ANKRD29: variants seen among roughly 807,000 people sequenced by gnomAD.
ANKRD29 encodes ankyrin repeat domain-containing protein 29.
Under a neutral mutation model 38.0 loss-of-function variants are expected in ANKRD29, and 32 were observed. The observed-to-expected ratio is 0.84, with a 90% CI of 0.64 to 1.13. The LOEUF (loss-of-function observed/expected upper bound fraction) is 1.13, where lower values mean the gene tolerates loss of function less well. Among genes scored for constraint, ANKRD29 ranks in the 50% most tolerant of loss-of-function variants. The probability of loss-of-function intolerance (pLI) is 0.00; values close to 1 mark genes in which losing one functional copy is unlikely to be tolerated. For synonymous variants in ANKRD29, 135 were observed against 152.4 expected (o/e 0.89, Z 0.84); for missense variants, 357 against 377.9 (o/e 0.94, Z 0.46).
At chr18:23,646,379 T>A in intron 2 of ANKRD29, 92 bp from the exon 3 acceptor site, 2 of 1,098,678 alleles carry the variant, frequency 1.8e-6, no homozygotes, top group Non-Finnish European at 1.3e-6. Context: ...TCAGCTCCAC[T>A]CAGAACACAT....
intron 8 of ANKRD29, among the ~76,000 whole-genome samples, chr18:23,612,419 G>A (rs151207256): frequency 2.6e-5 from 4 of 152,304 alleles, no homozygotes; most frequent in Middle Eastern, 3.4e-3. Flanking sequence ...GTGAAATAAG[G>A]AATAGGGCTG....
chr18:23,662,569 A>T, intron 1 of ANKRD29, 141 bp downstream of exon 1: 1 of 819,700 alleles, frequency 1.2e-6, no homozygotes, highest in Non-Finnish European at 1.7e-6. Context: ...CCTCGCCCGC[A>T]GCTGGAGGAG....
chr18:23,641,706 C>T (rs541537902), intron 3 of ANKRD29, among the ~76,000 whole-genome samples: 42 of 152,244 alleles, frequency 2.8e-4, no homozygotes, highest in Non-Finnish European at 5.3e-4. Flanking sequence ...TCAGCACACA[C>T]TCCCTCCTTT....
intron 3 of ANKRD29, among the ~76,000 whole-genome samples, chr18:23,644,854 C>T (rs572294297): frequency 5.3e-5 from 8 of 152,112 alleles, no homozygotes; most frequent in Non-Finnish European, 1.0e-4. Context: ...TAGGTGTAGA[C>T]CACCATGTCT....
rs191192374 is a variant in ANKRD29 at position 23,625,820 on chromosome 18, T to C, written c.528+4033A>G. Reference sequence around the variant, plus strand: ...TATCCCCATAATTTCCAAGCTGCTCTCCACCCAAAAAATCTGGGTCTGCTC... The same window carrying C: ...TATCCCCATAATTTCCAAGCTGCTCCCCACCCAAAAAATCTGGGTCTGCTC... On this transcript the variant is annotated intron_variant, in intron 6 of 9. Coordinates refer to ENST00000592179, the MANE Select transcript of ANKRD29 (RefSeq NM_173505.4). Among the ~76,000 whole-genome samples the C allele has an allele frequency of 3.6e-3, 548 of 152,260 alleles. 4 individuals carry two copies. The highest frequency in any genetic ancestry group is 5.1e-3 in the Non-Finnish European group (347 of 68,010).
chr18:23,616,586 ATATATATAC>A (rs1169533392), intron 8 of ANKRD29, among the ~76,000 whole-genome samples: 29 of 143,326 alleles, frequency 2.0e-4, no homozygotes, highest in Admixed American at 1.0e-3. Flanking sequence ...CAGTATATAT[ATATATATAC>A]TATATATACT....
Position 23,662,413 on chromosome 18 carries a change from C to T in ANKRD29, c.21+297G>A, listed in dbSNP as rs537770613. Among the ~76,000 whole-genome samples the T allele has an allele frequency of 2.0e-5, 3 of 152,320 alleles. No homozygotes were observed. In the South Asian group the frequency reaches 6.2e-4, roughly 32 times the overall value. On this transcript the variant is annotated intron_variant, in intron 1 of 9. Coordinates refer to ENST00000592179, the MANE Select transcript of ANKRD29 (RefSeq NM_173505.4). ...CCCAGGCTTCTTACCCGCCCCCGAC[C>T]TGTTACCCGGCGACAGTCCCCGCCG...
chr18:23,643,943 T>A (rs929449449), intron 3 of ANKRD29, among the ~76,000 whole-genome samples: 2 of 152,328 alleles, frequency 1.3e-5, no homozygotes, highest in Admixed American at 1.3e-4. Context: ...ACTCTTAGCT[T>A]CCAAAACTGG....
At chr18:23,647,252 G>A (rs751999573) in intron 2 of ANKRD29, 1 of 152,100 alleles carries the variant, frequency 6.6e-6, no homozygotes, top group Non-Finnish European at 1.5e-5. Context: ...TGAAATATGG[G>A]GGAATAATAA....
chr18:23,660,805 CCAAA>C (rs907148137), intron 1 of ANKRD29, among the ~76,000 whole-genome samples: 8 of 152,138 alleles, frequency 5.3e-5, no homozygotes, highest in African/African-American at 1.4e-4. Flanking sequence ...AAGACTTTGT[CCAAA>C]CAAACAAACA....
chr18:23,641,650 T>C (rs2145713488), intron 3 of ANKRD29, among the ~76,000 whole-genome samples: 1 of 152,352 alleles, frequency 6.6e-6, no homozygotes, highest in Admixed American at 6.5e-5. Context: ...GGCATGTTGA[T>C]GGTGAGAGGC....
Position 23,634,043 on chromosome 18 carries a change from G to A in ANKRD29, c.429+8C>T, listed in dbSNP as rs1568031427. ...AAATGTCCTAATGTCCCCCTGAAATGCACTCACATAAAGTTGGTCATGGAT... is the reference window on the plus strand; with the variant it reads ...AAATGTCCTAATGTCCCCCTGAAATACACTCACATAAAGTTGGTCATGGAT... On this transcript the variant is annotated splice_region_variant and intron_variant, in intron 5 of 9. Transcript: ENST00000592179. 1.2e-6 allele frequency: 2 copies of A among 1,613,494 alleles called. No individual in the cohort carries two copies. The highest frequency in any genetic ancestry group is 2.7e-5 in the African/African-American group (2 of 74,886).
chr18:23,646,923 T>C (rs1196015470), intron 2 of ANKRD29: 2 of 152,414 alleles, frequency 1.3e-5, no homozygotes, highest in African/African-American at 2.4e-5. Flanking sequence ...GGACCTGAGG[T>C]GTACCATGTG....
intron 8 of ANKRD29, among the ~76,000 whole-genome samples, chr18:23,615,171 A>G (rs2059695141): frequency 6.6e-6 from 1 of 151,988 alleles, no homozygotes; most frequent in South Asian, 2.1e-4. Flanking sequence ...CATGGCATCC[A>G]TCTAATTTTT....
chr18:23,642,175 G>A (rs2060086328), intron 3 of ANKRD29, among the ~76,000 whole-genome samples: 1 of 151,910 alleles, frequency 6.6e-6, no homozygotes, highest in South Asian at 2.1e-4. Context: ...TTTAGGACCT[G>A]GCGAATGACC....
At chr18:23,616,417 C>A (rs533367011) in intron 8 of ANKRD29, among the ~76,000 whole-genome samples, 33 of 148,970 alleles carry the variant, frequency 2.2e-4, no homozygotes, top group African/African-American at 7.6e-4. Context: ...TAGTCCCAGC[C>A]GAGGCAGGAG....
intron 9 of ANKRD29, among the ~76,000 whole-genome samples, chr18:23,610,919 A>G (rs1348668729): frequency 3.3e-5 from 5 of 152,228 alleles, no homozygotes; most frequent in Non-Finnish European, 5.9e-5. Flanking sequence ...GGCTCAAGCA[A>G]TCTACCTGCC....
intron 3 of ANKRD29, among the ~76,000 whole-genome samples, chr18:23,644,021 A>T (rs1417701889): frequency 2.0e-5 from 3 of 152,236 alleles, no homozygotes; most frequent in Admixed American, 1.3e-4. Flanking sequence ...GTCTCAGGAA[A>T]TTCAGGGACT....
At chr18:23,602,408 T>C (rs1368517818) in intron 9 of ANKRD29, among the ~76,000 whole-genome samples, 1 of 152,084 alleles carries the variant, frequency 6.6e-6, no homozygotes, top group Non-Finnish European at 1.5e-5. Flanking sequence ...AAGAAGAGCA[T>C]TGGTGGCTAA....
Sources: allele counts gnomAD v4.1 joint callset (sites outside exome capture counted in the v4.1 genomes callset), GRCh38; gene constraint gnomAD v4.1.1; transcripts MANE v1.5; gene names NCBI Gene and HGNC (gene_info 2026-07-23, HGNC 2026-07-21).